The following PIBF1 variants were observed in gnomAD, a reference collection of about 807,000 sequenced individuals.
The protein encoded by PIBF1 is progesterone-induced-blocking factor 1.
In PIBF1, 90 loss-of-function variants were observed where a neutral mutation model predicts 112.5. The ratio of observed to expected loss-of-function variants is 0.80; its 90% CI spans 0.67 to 0.95. The LOEUF (loss-of-function observed/expected upper bound fraction) is 0.95, where lower values mean the gene tolerates loss of function less well. Among genes scored for constraint, PIBF1 ranks in the 40% least tolerant of loss-of-function variants. The pLI, the probability that PIBF1 is intolerant of heterozygous loss-of-function variation, is 0.00. For synonymous variants in PIBF1, 301 were observed against 288.6 expected, an observed-to-expected ratio of 1.04 and a Z score of -0.44; for missense variants, 915 against 852.3, an observed-to-expected ratio of 1.07 and a Z score of -0.92.
intron 10 of PIBF1, among the ~76,000 whole-genome samples, chr13:72,893,132 A>C (rs1335218408): frequency 6.6e-6 from 1 of 152,142 alleles, no homozygotes; most frequent in Non-Finnish European, 1.5e-5. Context: ...GAACACAATC[A>C]ACCTTAAGTA....
In PIBF1 at chr13:72,955,156, A is replaced by C. The variant is rs540194212; in HGVS notation, c.1834-10118A>C. On this transcript the variant is annotated intron_variant, in intron 14 of 17. Coordinates refer to ENST00000326291, the MANE Select transcript of PIBF1 (RefSeq NM_006346.4). Reference sequence around the variant, plus strand: ...ATGTTGGACATAACATTTATCTTCCATATGAATGGCTGATTCATTACATGG... The same window carrying C: ...ATGTTGGACATAACATTTATCTTCCCTATGAATGGCTGATTCATTACATGG... Among the ~76,000 whole-genome samples the C allele has an allele frequency of 1.5e-4, 23 of 152,342 alleles. No individual in the cohort carries two copies. In the East Asian group the frequency reaches 4.2e-3, roughly 28 times the overall value.
At chr13:73,000,680 T>G (rs1231226525) in intron 17 of PIBF1, among the ~76,000 whole-genome samples, 1 of 152,238 alleles carries the variant, frequency 6.6e-6, no homozygotes, top group East Asian at 1.9e-4. Flanking sequence ...CAGCACTCTC[T>G]GATCTGCCTT....
chr13:72,784,035 C>T (rs1213552217), intron 2 of PIBF1, among the ~76,000 whole-genome samples: 4 of 151,634 alleles, frequency 2.6e-5, no homozygotes, highest in African/African-American at 7.3e-5. Context: ...ACATTGTAAT[C>T]TTGGAAAACA....
At chr13:72,895,582 C>CA (rs1555308698) in intron 11 of PIBF1, among the ~76,000 whole-genome samples, 4 of 148,826 alleles carry the variant, frequency 2.7e-5, no homozygotes, top group Non-Finnish European at 6.0e-5. Context: ...TAAATTTAAA[C>CA]TTTTTTTTTT....
At chr13:72,914,079 T>C (rs1234927614) in intron 12 of PIBF1, among the ~76,000 whole-genome samples, 1 of 152,172 alleles carries the variant, frequency 6.6e-6, no homozygotes, top group Non-Finnish European at 1.5e-5. Flanking sequence ...TTTCAAAGGC[T>C]TGCCATTTAA....
At chr13:73,008,170 T>C (rs1040831512) in intron 17 of PIBF1, among the ~76,000 whole-genome samples, 1 of 152,154 alleles carries the variant, frequency 6.6e-6, no homozygotes, top group African/African-American at 2.4e-5. Context: ...GAGAATAATA[T>C]AACCGAAGGA....
chr13:72,943,479 A>G (rs549651346), intron 14 of PIBF1, among the ~76,000 whole-genome samples: 3 of 152,364 alleles, frequency 2.0e-5, no homozygotes, highest in Admixed American at 1.3e-4. Context: ...TTATGTATCA[A>G]TTTAAAAATT....
intron 5 of PIBF1, among the ~76,000 whole-genome samples, chr13:72,808,605 G>A (rs917206017): frequency 6.6e-6 from 1 of 151,900 alleles, no homozygotes; most frequent in Non-Finnish European, 1.5e-5. Context: ...AATTTTTTTT[G>A]GTATTATTGG....
At chr13:72,877,461 C>G (rs1333971409) in intron 10 of PIBF1, among the ~76,000 whole-genome samples, 1 of 152,148 alleles carries the variant, frequency 6.6e-6, no homozygotes, top group African/African-American at 2.4e-5. Flanking sequence ...AACTGGTATA[C>G]TTTCTTCCTT....
At chr13:72,895,089 A>C (rs1186942299) in intron 11 of PIBF1, among the ~76,000 whole-genome samples, 1 of 151,790 alleles carries the variant, frequency 6.6e-6, no homozygotes, top group East Asian at 1.9e-4. Context: ...ACATCACTGC[A>C]CTCTGGCCTG....
At chr13:72,851,803 C>T (rs2038170976) in intron 9 of PIBF1, among the ~76,000 whole-genome samples, 2 of 152,230 alleles carry the variant, frequency 1.3e-5, no homozygotes, top group Non-Finnish European at 2.9e-5. Flanking sequence ...ACCCCAGACT[C>T]TGGCAGACCT....
At chr13:72,935,352 C>G (rs1253928835) in intron 14 of PIBF1, among the ~76,000 whole-genome samples, 14 of 152,088 alleles carry the variant, frequency 9.2e-5, no homozygotes, top group Admixed American at 9.2e-4. Flanking sequence ...TCCTTTCACT[C>G]TGCATAATTA....
chr13:72,993,353 T>C (rs1594334501), intron 16 of PIBF1, among the ~76,000 whole-genome samples: 2 of 151,688 alleles, frequency 1.3e-5, no homozygotes, highest in South Asian at 2.1e-4. Context: ...TAAAAATAAA[T>C]TGTGATATTT....
intron 16 of PIBF1, among the ~76,000 whole-genome samples, chr13:72,992,605 G>A (rs996259016): frequency 1.8e-4 from 27 of 152,028 alleles, no homozygotes; most frequent in African/African-American, 6.3e-4. Flanking sequence ...ACCAGCCTGC[G>A]CAACATGGTG....
chr13:73,010,470 G>C (rs2044162402), intron 17 of PIBF1, among the ~76,000 whole-genome samples: 1 of 151,932 alleles, frequency 6.6e-6, no homozygotes, highest in Non-Finnish European at 1.5e-5. Flanking sequence ...AGGGGTGGTG[G>C]TGCATGCCTG....
intron 12 of PIBF1, among the ~76,000 whole-genome samples, chr13:72,912,042 GAAAGAAAAGAGA>G (rs1196889979): frequency 6.6e-6 from 1 of 151,390 alleles, no homozygotes; most frequent in Non-Finnish European, 1.5e-5. Flanking sequence ...AGGAAGGAAG[GAAAGAAAAGAGA>G]AAAGAAAAGA....
intron 9 of PIBF1, chr13:72,836,048 G>A (rs145288613): frequency 9.9e-4 from 423 of 427,560 alleles, no homozygotes; most frequent in Middle Eastern, 3.4e-3. Context: ...GCAGTGAGCC[G>A]AGATCGCACC....
chr13:72,862,195 T>G (rs893033770), intron 10 of PIBF1, among the ~76,000 whole-genome samples: 1 of 152,128 alleles, frequency 6.6e-6, no homozygotes, highest in Non-Finnish European at 1.5e-5. Flanking sequence ...TTCTGGGTAG[T>G]GGGAAGAGGA....
chr13:72,850,767 C>CACTA (rs574726893), intron 9 of PIBF1, among the ~76,000 whole-genome samples: 1 of 84,342 alleles, frequency 1.2e-5, no homozygotes, highest in Non-Finnish European at 2.2e-5. Flanking sequence ...AGTTTGAGAA[C>CACTA]TTTATCTATA....
Sources: allele counts gnomAD v4.1 joint callset (sites outside exome capture counted in the v4.1 genomes callset), GRCh38; gene constraint gnomAD v4.1.1; transcripts MANE v1.5; gene names NCBI Gene and HGNC (gene_info 2026-07-23, HGNC 2026-07-21).